Variants in ATAD2 observed in about 807,000 individuals in gnomAD.
The protein encoded by ATAD2 is ATPase family AAA domain containing 2.
In ATAD2, 62 loss-of-function variants were observed where a neutral mutation model predicts 168.9. That is an observed-to-expected ratio of 0.37 (90% CI 0.30 to 0.45). The LOEUF is 0.45. Ranked by LOEUF, ATAD2 falls within the 20% of genes least tolerant of loss-of-function variation. The probability of loss-of-function intolerance (pLI) is 1.00; values close to 1 mark genes in which losing one functional copy is unlikely to be tolerated. For synonymous variants in ATAD2, 613 were observed against 571.6 expected (o/e 1.07, Z -1.03); for missense variants, 1,419 against 1,667.8 (o/e 0.85, Z 2.60).
chr8:123,415,112 TTCTC>T (rs1813229732), intron 1 of ATAD2, among the ~76,000 whole-genome samples: 1 of 152,350 alleles, frequency 6.6e-6, no homozygotes, highest in South Asian at 2.1e-4. Context: ...TAGTGGCAAA[TTCTC>T]TCACCATTTG....
At position 123,361,586 on chromosome 8, in the gene ATAD2, C is replaced by T. The variant is rs1412588335; in HGVS notation, c.1110G>A (p.Gln370=). ...TCCTTTTCCTCCGCCTCTCAAAGTGCTGTTCATCTTCAGAGGAGGAAGATG... is the reference window on the plus strand; with the variant it reads ...TCCTTTTCCTCCGCCTCTCAAAGTGTTGTTCATCTTCAGAGGAGGAAGATG... The part of the protein sequence containing the change: ...STSSSSSEDE[Q]HFERRRKRSR... The change falls in exon 9 of 28, where the codon CAG becomes CAA. Residue 370 remains glutamine (Q), a synonymous_variant. Coordinates refer to ENST00000287394, the MANE Select transcript of ATAD2 (RefSeq NM_014109.4). 4 of 1,613,556 alleles carry T rather than the reference C, an allele frequency of 2.5e-6. No homozygotes were observed. The highest frequency in any genetic ancestry group is 3.4e-6 in the Non-Finnish European group (4 of 1,179,618).
chr8:123,337,571 G>T lies in ATAD2; in HGVS notation c.3051+54C>A. ...CACATAAACTCTTCAAATATCCTTT[G>T]ATTGTGAAGCATTATGGCCTAGAAT... On this transcript the variant is annotated intron_variant, in intron 21 of 27. Transcript: ENST00000287394. 2.8e-6 allele frequency: 4 copies of T among 1,450,284 alleles called. No homozygotes were observed. In the South Asian group the frequency reaches 4.3e-5, roughly 15 times the overall value. The allele number at this position is 1,450,284 out of a possible 1,614,324, so 89.8% of individuals were successfully genotyped here.
At chr8:123,389,512 C>T (rs372924032) in intron 1 of ATAD2, among the ~76,000 whole-genome samples, 77 of 151,362 alleles carry the variant, frequency 5.1e-4, no homozygotes, top group African/African-American at 1.6e-3. Flanking sequence ...TGGTGGCGGG[C>T]GCCTGTAGTC....
intron 24 of ATAD2, among the ~76,000 whole-genome samples, chr8:123,329,464 A>C (rs549604253): frequency 6.6e-6 from 1 of 152,210 alleles, no homozygotes; most frequent in African/African-American, 2.4e-5. Context: ...CTTACTCATT[A>C]AAATTTAATT....
At chr8:123,414,206 A>G (rs182053804) in intron 1 of ATAD2, among the ~76,000 whole-genome samples, 2 of 151,760 alleles carry the variant, frequency 1.3e-5, no homozygotes, top group East Asian at 3.9e-4. Context: ...GCTACCAACT[A>G]TTCTAAGTAC....
chr8:123,359,506 C>T, intron 10 of ATAD2, 71 bp downstream of exon 10: 2 of 1,425,856 alleles, frequency 1.4e-6, no homozygotes, highest in Non-Finnish European at 9.7e-7. Context: ...TCATTGGTTC[C>T]TTTTTTTAAC....
intron 25 of ATAD2, among the ~76,000 whole-genome samples, chr8:123,327,691 T>C (rs1489823083): frequency 6.6e-6 from 1 of 152,042 alleles, no homozygotes; most frequent in East Asian, 1.9e-4. Context: ...AAATAGAAAA[T>C]TTGGGGAGCA....
chr8:123,361,487 A>G, intron 9 of ATAD2, 52 bp downstream of exon 9: 2 of 1,475,402 alleles, frequency 1.4e-6, no homozygotes, highest in South Asian at 1.1e-5. Context: ...TTTCTTAGCA[A>G]TTTTTACAAA....
At chr8:123,413,557 AG>A (rs1003465829) in intron 1 of ATAD2, among the ~76,000 whole-genome samples, 2 of 152,160 alleles carry the variant, frequency 1.3e-5, no homozygotes, top group Non-Finnish European at 2.9e-5. Flanking sequence ...AAGGTCACTC[AG>A]GGTAGTAAGT....
rs1829086057 is a variant in ATAD2 at position 123,369,817 on chromosome 8, T to C, written c.931+4A>G. 1 of 1,599,506 alleles carries C rather than the reference T, an allele frequency of 6.3e-7. No homozygotes were observed. Among genetic ancestry groups the C allele is most frequent in the South Asian group, 1.1e-5 (1 of 90,782 alleles). On this transcript the variant is annotated splice_donor_region_variant and intron_variant, in intron 7 of 27. Transcript: ENST00000287394. ...CTCCTGGAAAGAGTATGTATAGCACTTACTTTCCAATGGAGCCTGATAGTA... is the reference window on the plus strand; with the variant it reads ...CTCCTGGAAAGAGTATGTATAGCACCTACTTTCCAATGGAGCCTGATAGTA...
intron 24 of ATAD2, among the ~76,000 whole-genome samples, chr8:123,329,154 T>C (rs546248244): frequency 3.7e-4 from 56 of 152,180 alleles, no homozygotes; most frequent in Non-Finnish European, 6.8e-4. Flanking sequence ...TGACATGATC[T>C]GTCTAATGCA....
In ATAD2 at chr8:123,328,530, G is replaced by T; in HGVS notation, c.3528C>A (p.Thr1176=). The change falls in exon 25 of 28, where the codon ACC becomes ACA. Residue 1176 remains threonine (T), a synonymous_variant. Coordinates refer to ENST00000287394, the MANE Select transcript of ATAD2 (RefSeq NM_014109.4). ...GTGAAATCTTCCTTCGCTTTTTTAT[G>T]GTGCCTAAGTACCAGTTTGACTTTT... ...IRKKSNWYLG[T]IKKRRKISQA... is the part of the protein sequence containing the mutation. 6.3e-7 allele frequency: 1 copy of T among 1,587,828 alleles called. No homozygotes were observed. The highest frequency in any genetic ancestry group is 8.5e-7 in the Non-Finnish European group (1 of 1,170,240).
intron 24 of ATAD2, among the ~76,000 whole-genome samples, chr8:123,332,616 T>G (rs528819414): frequency 2.0e-5 from 3 of 152,338 alleles, no homozygotes; most frequent in African/African-American, 7.2e-5. Context: ...CGTTTAAGGA[T>G]TCTCACTGTA....
intron 1 of ATAD2, among the ~76,000 whole-genome samples, chr8:123,390,578 T>A (rs899735901): frequency 6.6e-6 from 1 of 152,358 alleles, no homozygotes. Flanking sequence ...TGTTATGCTT[T>A]AAGTTTTTAA....
intron 1 of ATAD2, among the ~76,000 whole-genome samples, chr8:123,394,584 G>A (rs1243908494): frequency 1.3e-5 from 2 of 151,466 alleles, no homozygotes; most frequent in African/African-American, 4.9e-5. Flanking sequence ...GCGGTGAGCC[G>A]AGATCACACC....
In ATAD2 at chr8:123,337,625, C is replaced by T. The variant is rs745488407; in HGVS notation, c.3051G>A (p.Glu1017=). Residue 1017 remains glutamate (E), a splice_region_variant and synonymous_variant, in exon 21 of 28, where the codon GAG becomes GAA. Coordinates refer to ENST00000287394, the MANE Select transcript of ATAD2 (RefSeq NM_014109.4). ...CTTGATCCAAAGATTAAACTAATAC[C>T]TCATCAGGGTCAACAGGCTTAGTAA... is the stretch of plus-strand genomic sequence containing the variant. ...RVFTKPVDPD[E]VPDYVTVIKQ... is the part of the protein sequence containing the mutation. 5 of 1,595,108 alleles carry T rather than the reference C, an allele frequency of 3.1e-6. No individual in the cohort carries two copies.
At position 123,369,948 on chromosome 8, in the gene ATAD2, A is replaced by ATCATCG. The variant is rs1554645775; in HGVS notation, c.803_804insCGATGA (p.Asp276_Asp277dup). On this transcript the variant is annotated inframe_insertion, in exon 7 of 28. Coordinates refer to ENST00000287394, the MANE Select transcript of ATAD2 (RefSeq NM_014109.4). ...CATCATCATCATCATCATCATCGTC[A>ATCATCG]TCATCATCATCATCTTCATCATCTT... is the stretch of plus-strand genomic sequence containing the variant. 1 of 1,519,594 alleles carries ATCATCG rather than the reference A, an allele frequency of 6.6e-7. No homozygotes were observed. The highest frequency in any genetic ancestry group is 1.6e-5 in the African/African-American group (1 of 60,950). The allele number at this position is 1,519,594 out of a possible 1,614,324, so 94.1% of individuals were successfully genotyped here.
At chr8:123,388,756 A>T (rs1292443477) in intron 1 of ATAD2, among the ~76,000 whole-genome samples, 2 of 151,978 alleles carry the variant, frequency 1.3e-5, no homozygotes. Flanking sequence ...GCTGGTCTCG[A>T]ACTTCTGGTT....
chr8:123,390,213 C>T (rs1041524281), intron 1 of ATAD2, among the ~76,000 whole-genome samples: 9 of 151,622 alleles, frequency 5.9e-5, no homozygotes, highest in African/African-American at 1.9e-4. Flanking sequence ...TTCTGATCTC[C>T]GGTGATATGC....
Sources: allele counts gnomAD v4.1 joint callset (sites outside exome capture counted in the v4.1 genomes callset), GRCh38; gene constraint gnomAD v4.1.1; transcripts MANE v1.5; gene names NCBI Gene and HGNC (gene_info 2026-07-23, HGNC 2026-07-21).